The following ATRNL1 variants were observed in gnomAD, a reference collection of about 807,000 sequenced individuals.
ATRNL1 encodes attractin like 1, also known as attractin-like protein 1.
ATRNL1 carries 95 observed loss-of-function variants against 182.7 expected under a neutral mutation model. The observed-to-expected ratio is 0.52, with a 90% CI of 0.44 to 0.62. The LOEUF (loss-of-function observed/expected upper bound fraction) is 0.62. Among genes scored for constraint, ATRNL1 ranks in the 20% least tolerant of loss-of-function variants. The probability of loss-of-function intolerance (pLI) is 0.00; values close to 1 mark genes in which losing one functional copy is unlikely to be tolerated. For missense variants in ATRNL1, 1,471 were observed against 1,679.5 expected (o/e 0.88, Z 2.17); for synonymous variants, 576 against 568.3 (o/e 1.01, Z -0.19).
chr10:115,553,708 G>A (rs2769380), intron 26 of ATRNL1, among the ~76,000 whole-genome samples: 147,208 of 151,406 alleles, frequency 0.97, 71,727 homozygotes, highest in East Asian at 1. Context: ...GTAACAAACT[G>A]GTTTTCCAGA....
chr10:115,292,064 A>G (rs1195287518), intron 15 of ATRNL1, among the ~76,000 whole-genome samples: 2 of 151,558 alleles, frequency 1.3e-5, no homozygotes, highest in African/African-American at 2.4e-5. Context: ...CAACTTTTCT[A>G]TTTCTTTTTG....
chr10:115,595,501 T>C (rs978077161), intron 26 of ATRNL1, among the ~76,000 whole-genome samples: 11 of 152,200 alleles, frequency 7.2e-5, no homozygotes, highest in Non-Finnish European at 1.2e-4. Context: ...TGTTAATATG[T>C]TAAATTTATT....
chr10:115,356,526 GC>G (rs1164878577), intron 19 of ATRNL1, among the ~76,000 whole-genome samples: 2 of 151,904 alleles, frequency 1.3e-5, no homozygotes, highest in African/African-American at 4.8e-5. Flanking sequence ...AAACTGTTTG[GC>G]CCTGATGTCA....
At chr10:115,282,007 T>TTA (rs1554917015) in intron 14 of ATRNL1, among the ~76,000 whole-genome samples, 1 of 146,794 alleles carries the variant, frequency 6.8e-6, no homozygotes, top group South Asian at 2.1e-4. Context: ...TTTAAAAATA[T>TTA]TATATATATA....
At chr10:115,640,404 G>A (rs1246347289) in intron 26 of ATRNL1, among the ~76,000 whole-genome samples, 1 of 152,156 alleles carries the variant, frequency 6.6e-6, no homozygotes, top group East Asian at 1.9e-4. Flanking sequence ...CAGTGTAAAA[G>A]CATTCCAGTT....
intron 15 of ATRNL1, among the ~76,000 whole-genome samples, chr10:115,288,729 C>T (rs1201294692): frequency 6.6e-6 from 1 of 151,930 alleles, no homozygotes; most frequent in Non-Finnish European, 1.5e-5. Context: ...ACCATGTTGG[C>T]CAGGCTGGTC....
Position 115,461,950 on chromosome 10 carries a change from T to C in ATRNL1, c.3332T>C (p.Leu1111Ser), listed in dbSNP as rs1847820101. ...TTTTTCCTCCCTACAGACAGCCTTT[T>C]GATTGATTATCAATTTACCTTCAGC... ...PLRGTCYYSL[L>S]IDYQFTFSLL... is the part of the protein sequence containing the mutation. The change falls in exon 22 of 29, where the codon TTG becomes TCG. Residue 1111 changes from leucine to serine, a missense_variant. Leu to Ser is a moderately radical substitution (Grantham distance 145). Coordinates refer to ENST00000355044, the MANE Select transcript of ATRNL1 (RefSeq NM_207303.4). The C allele has an allele frequency of 6.2e-7, 1 of 1,609,512 alleles. No individual in the cohort carries two copies. The highest frequency in any genetic ancestry group is 1.7e-5 in the Admixed American group (1 of 59,516).
chr10:115,260,145 T>C (rs1240698652), intron 10 of ATRNL1, among the ~76,000 whole-genome samples: 1 of 152,202 alleles, frequency 6.6e-6, no homozygotes, highest in Non-Finnish European at 1.5e-5. Context: ...TATAATTACA[T>C]TACTATTACT....
At chr10:115,645,877 T>C (rs2133867982) in intron 26 of ATRNL1, among the ~76,000 whole-genome samples, 1 of 152,182 alleles carries the variant, frequency 6.6e-6, no homozygotes, top group East Asian at 1.9e-4. Flanking sequence ...TGTTGTAAGA[T>C]GGTGAAGAGG....
intron 26 of ATRNL1, among the ~76,000 whole-genome samples, chr10:115,633,850 C>A (rs968434113): frequency 6.6e-6 from 1 of 151,972 alleles, no homozygotes; most frequent in Non-Finnish European, 1.5e-5. Flanking sequence ...GGAAAGTGAG[C>A]AATTTGATAT....
At chr10:115,269,089 A>G (rs1043601438) in intron 13 of ATRNL1, among the ~76,000 whole-genome samples, 4 of 152,204 alleles carry the variant, frequency 2.6e-5, no homozygotes, top group African/African-American at 9.6e-5. Flanking sequence ...GTAGAGTTTT[A>G]GCACTATTGA....
intron 28 of ATRNL1, among the ~76,000 whole-genome samples, chr10:115,942,016 G>C (rs749084794): frequency 1.3e-5 from 2 of 152,274 alleles, no homozygotes; most frequent in South Asian, 4.1e-4. Context: ...AATTACTTAA[G>C]AGCAACCCTT....
At chr10:115,446,781 C>T (rs1388134603) in intron 21 of ATRNL1, among the ~76,000 whole-genome samples, 3 of 151,828 alleles carry the variant, frequency 2.0e-5, no homozygotes, top group Non-Finnish European at 2.9e-5. Context: ...TAAGAGAGGT[C>T]TTTCTTTATA....
intron 26 of ATRNL1, among the ~76,000 whole-genome samples, chr10:115,704,130 T>C (rs1365217514): frequency 6.6e-6 from 1 of 151,966 alleles, no homozygotes; most frequent in Non-Finnish European, 1.5e-5. Flanking sequence ...AATGTATTCT[T>C]TTACGATTCT....
At chr10:115,590,313 C>A (rs548750089) in intron 26 of ATRNL1, among the ~76,000 whole-genome samples, 11 of 152,130 alleles carry the variant, frequency 7.2e-5, no homozygotes, top group Non-Finnish European at 1.5e-4. Context: ...TCTTTAGTGT[C>A]ACCCTGTTTT....
intron 9 of ATRNL1, among the ~76,000 whole-genome samples, chr10:115,225,736 C>G (rs1161816300): frequency 6.6e-6 from 1 of 151,098 alleles, no homozygotes. Flanking sequence ...AAATATATCT[C>G]AGACCAAATT....
chr10:115,109,980 A>G (rs1554867454), intron 1 of ATRNL1, among the ~76,000 whole-genome samples: 1 of 152,202 alleles, frequency 6.6e-6, no homozygotes, highest in African/African-American at 2.4e-5. Context: ...CTTGTTAAAA[A>G]ATAATTTCTA....
chr10:115,122,134 TGAC>T (rs1280413453), intron 3 of ATRNL1, among the ~76,000 whole-genome samples: 14 of 151,950 alleles, frequency 9.2e-5, no homozygotes, highest in Non-Finnish European at 1.5e-5. Context: ...GAGTTCTAGC[TGAC>T]AAATAAATAG....
chr10:115,621,276 T>TATATATATATAGAGAGAGAGAGAGAGAG (rs1268020830), intron 26 of ATRNL1, among the ~76,000 whole-genome samples: 1 of 47,586 alleles, frequency 2.1e-5, no homozygotes, highest in Admixed American at 2.6e-4. Context: ...TATATATATA[T>TATATATATATAGAGAGAGAGAGAGAGAG]AGAGAGAGAG....
Sources: gnomAD v4.1 joint callset for allele counts (sites outside exome capture counted in the v4.1 genomes callset) on GRCh38, gnomAD v4.1.1 for gene constraint, MANE v1.5 for transcripts, NCBI Gene and HGNC (gene_info 2026-07-23, HGNC 2026-07-21) for gene names.